Variants in RPS6KA2 observed in about 807,000 individuals in gnomAD.
RPS6KA2 encodes ribosomal protein S6 kinase alpha-2.
Under a neutral mutation model 91.8 loss-of-function variants are expected in RPS6KA2, and 42 were observed. The observed-to-expected ratio is 0.46, with a 90% confidence interval of 0.36 to 0.59. The LOEUF is 0.59. Among genes scored for constraint, RPS6KA2 ranks in the 20% least tolerant of loss-of-function variants. RPS6KA2 has a pLI of 0.00. For synonymous variants in RPS6KA2, 414 were observed against 393.6 expected (o/e 1.05, Z -0.61); for missense variants, 798 against 978.5 (o/e 0.82, Z 2.46).
rs1196575317 is a variant in RPS6KA2 at position 166,448,878 on chromosome 6, G to A, written c.1207-29C>T. On this transcript the variant is annotated intron_variant, in intron 13 of 20. Coordinates refer to ENST00000265678, the MANE Select transcript of RPS6KA2 (RefSeq NM_021135.6). This position sits in a 1 kb window ranked among gnomAD's most constrained non-coding sequence, Gnocchi z 4.7. ...CAGAGGGACCAAGAGAAGAAGAGTT[G>A]TCGGAACCCTCACACGAGGGGACGG... is the stretch of plus-strand genomic sequence containing the variant. 33 of 1,612,352 alleles carry A rather than the reference G, an allele frequency of 2.0e-5. No individual in the cohort carries two copies. The highest frequency in any genetic ancestry group is 2.8e-5 in the Non-Finnish European group (33 of 1,178,754).
chr6:166,454,973 G>A (rs894957757), intron 12 of RPS6KA2, among the ~76,000 whole-genome samples: 1 of 150,358 alleles, frequency 6.7e-6, no homozygotes, highest in Non-Finnish European at 1.5e-5. Context: ...AATATAATAC[G>A]TAATTTTTCC....
At chr6:166,442,631 C>T (rs1779556643) in intron 14 of RPS6KA2, among the ~76,000 whole-genome samples, 1 of 152,188 alleles carries the variant, frequency 6.6e-6, no homozygotes, top group South Asian at 2.1e-4. Context: ...GTCTCAGGAA[C>T]TTCAGTTCTC....
chr6:166,663,204 CA>C (rs892823214), intron 2 of RPS6KA2, among the ~76,000 whole-genome samples: 3 of 152,172 alleles, frequency 2.0e-5, no homozygotes, highest in Non-Finnish European at 2.9e-5. Flanking sequence ...GGCCAAGAAA[CA>C]AAAACCAATA....
At chr6:166,625,832 A>G (rs1786852463) in intron 1 of RPS6KA2, among the ~76,000 whole-genome samples, 1 of 152,174 alleles carries the variant, frequency 6.6e-6, no homozygotes, top group African/African-American at 2.4e-5. Flanking sequence ...TAGTACTTCC[A>G]ATTCTGATTT....
At chr6:166,712,851 TC>T (rs1233945860) in intron 2 of RPS6KA2, among the ~76,000 whole-genome samples, 1 of 152,232 alleles carries the variant, frequency 6.6e-6, no homozygotes, top group Middle Eastern at 3.2e-3. Flanking sequence ...ACAGCGTCTA[TC>T]CCGAGCTTTC....
At chr6:166,683,477 A>G (rs899443001) in intron 2 of RPS6KA2, among the ~76,000 whole-genome samples, 2 of 152,250 alleles carry the variant, frequency 1.3e-5, no homozygotes, top group African/African-American at 4.8e-5. Flanking sequence ...GTATCTCATT[A>G]GTTTAAATTA....
At chr6:166,453,652 T>C (rs2128457402) in intron 12 of RPS6KA2, among the ~76,000 whole-genome samples, 2 of 152,314 alleles carry the variant, frequency 1.3e-5, no homozygotes, top group Middle Eastern at 6.8e-3. Context: ...CGGAAATTTC[T>C]CAAAGAACTA....
At position 166,412,955 on chromosome 6, in the gene RPS6KA2, C is replaced by T. The variant is rs932195820; in HGVS notation, c.2077-68G>A. ...CCAGGGGTTGAGCCGGAGCCCGGGGCCTCCATGGGCCTCAGCTGCCCCCAG... is the reference window on the plus strand; with the variant it reads ...CCAGGGGTTGAGCCGGAGCCCGGGGTCTCCATGGGCCTCAGCTGCCCCCAG... On this transcript the variant is annotated intron_variant, in intron 20 of 20. Coordinates refer to ENST00000265678, the MANE Select transcript of RPS6KA2 (RefSeq NM_021135.6). The surrounding 1 kb of genome is among the most constrained non-coding windows in gnomAD (Gnocchi z 4.3). 2 of 1,443,708 alleles carry T rather than the reference C, an allele frequency of 1.4e-6. No individual in the cohort carries two copies. The highest frequency in any genetic ancestry group is 1.8e-6 in the Non-Finnish European group (2 of 1,085,820). 89.4% of individuals were successfully genotyped at this position (1,443,708 alleles called of 1,614,324 possible). A position where few individuals can be genotyped will look rare whatever the true frequency, so the allele number is the denominator to read the frequency against.
At chr6:166,676,405 C>CA (rs1788620881) in intron 2 of RPS6KA2, among the ~76,000 whole-genome samples, 1 of 152,182 alleles carries the variant, frequency 6.6e-6, no homozygotes, top group Non-Finnish European at 1.5e-5. Flanking sequence ...GGCCCTGCCC[C>CA]AGGCCGGTCT....
In RPS6KA2 at chr6:166,548,665, T is replaced by C. The variant is rs1783903057; in HGVS notation, c.100-9881A>G. ...AAAAAGACATTTAACCTAAATTCCATCTCTTATACAATAATTAACTGAAAA... is the reference window on the plus strand; with the variant it reads ...AAAAAGACATTTAACCTAAATTCCACCTCTTATACAATAATTAACTGAAAA... On this transcript the variant is annotated intron_variant, in intron 1 of 20. Coordinates refer to ENST00000265678, the MANE Select transcript of RPS6KA2 (RefSeq NM_021135.6). 3.3e-5 allele frequency among the ~76,000 whole-genome samples: 5 copies of C among 152,294 alleles called. No individual in the cohort carries two copies. In the South Asian group the frequency reaches 1.0e-3, roughly 32 times the overall value.
chr6:166,732,156 A>T lies in RPS6KA2; in HGVS notation c.123+126044T>A, dbSNP rs1174946105. Reference sequence around the variant, plus strand: ...CCAATAAATAAATAAATAACCAAGAAAAATACTTTAATACAATGTGCCAAA... The same window carrying T: ...CCAATAAATAAATAAATAACCAAGATAAATACTTTAATACAATGTGCCAAA... On this transcript the variant is annotated intron_variant, in intron 2 of 21. Transcript: ENST00000503859. The surrounding 1 kb of genome is among the most constrained non-coding windows in gnomAD (Gnocchi z 4.0). Among the ~76,000 whole-genome samples, 3 of 152,150 alleles carry T rather than the reference A, an allele frequency of 2.0e-5. No homozygotes were observed. The highest frequency in any genetic ancestry group is 6.5e-5 in the Admixed American group (1 of 15,284).
rs1783382510 is a variant in RPS6KA2 at position 166,533,887 on chromosome 6, G to C, written c.217-2574C>G. On this transcript the variant is annotated intron_variant, in intron 2 of 20. Transcript: ENST00000265678. This position sits in a 1 kb window ranked among gnomAD's most constrained non-coding sequence, Gnocchi z 4.0. ...TCTTGAGGCCAAGAATTTGCAACCA[G>C]CCTGGGCAGCATAGCAAAACCCCAG... Among the ~76,000 whole-genome samples, 1 of 152,114 alleles carries C rather than the reference G, an allele frequency of 6.6e-6. No homozygotes were observed. The highest frequency in any genetic ancestry group is 2.4e-5 in the African/African-American group (1 of 41,430).
Position 166,767,305 on chromosome 6 carries a change from C to T in RPS6KA2, c.123+90895G>A, listed in dbSNP as rs566662823. Among the ~76,000 whole-genome samples the T allele has an allele frequency of 5.3e-5, 8 of 152,248 alleles. No individual in the cohort carries two copies. In the East Asian group the frequency reaches 5.8e-4, roughly 11 times the overall value. On this transcript the variant is annotated intron_variant, in intron 2 of 21. Transcript: ENST00000503859. This position sits in a 1 kb window ranked among gnomAD's most constrained non-coding sequence, Gnocchi z 4.6. ...CGCTTCAGCTTGCAAGGCAGAGGCA[C>T]GGAACGATTTGATGAAAAAGACAGA...
At chr6:166,453,515 A>G (rs1314807363) in intron 12 of RPS6KA2, among the ~76,000 whole-genome samples, 2 of 152,226 alleles carry the variant, frequency 1.3e-5, no homozygotes, top group African/African-American at 2.4e-5. Context: ...GAAAACCACA[A>G]TGAGATATCA....
At chr6:166,634,932 T>G (rs1280689237) in intron 2 of RPS6KA2, among the ~76,000 whole-genome samples, 2 of 152,134 alleles carry the variant, frequency 1.3e-5, no homozygotes, top group Admixed American at 1.3e-4. Context: ...GTGTTTGGTA[T>G]AGTTTCACAC....
At chr6:166,479,370 G>T (rs1228393387) in intron 10 of RPS6KA2, among the ~76,000 whole-genome samples, 1 of 152,270 alleles carries the variant, frequency 6.6e-6, no homozygotes, top group Non-Finnish European at 1.5e-5. Context: ...GGCGATGCTG[G>T]GGACAGGCGG....
chr6:166,783,871 C>CTATCTGTAACTA (rs1369864372), intron 2 of RPS6KA2, among the ~76,000 whole-genome samples: 7 of 114,728 alleles, frequency 6.1e-5, no homozygotes, highest in African/African-American at 2.6e-4. Context: ...ACGTGCACAC[C>CTATCTGTAACTA]TACGCATCAC....
rs936208335 is a variant in RPS6KA2 at position 166,418,602 on chromosome 6, C to G, written c.1821-260G>C. ...ACCTGTGCTGTATCCCCTCCGGACC[C>G]AGGTAAACTGGGATGGGGTGGCCTA... is the stretch of plus-strand genomic sequence containing the variant. On this transcript the variant is annotated intron_variant, in intron 18 of 20. Coordinates refer to ENST00000265678, the MANE Select transcript of RPS6KA2 (RefSeq NM_021135.6). This position sits in a 1 kb window ranked among gnomAD's most constrained non-coding sequence, Gnocchi z 4.9. 6.6e-6 allele frequency among the ~76,000 whole-genome samples: 1 copy of G among 152,234 alleles called. No individual in the cohort carries two copies. The highest frequency in any genetic ancestry group is 1.5e-5 in the Non-Finnish European group (1 of 68,042).
At position 166,825,245 on chromosome 6, in the gene RPS6KA2, G is replaced by A. The variant is rs993991882; in HGVS notation, c.123+32955C>T. On this transcript the variant is annotated intron_variant, in intron 2 of 21. Transcript: ENST00000503859. This position sits in a 1 kb window ranked among gnomAD's most constrained non-coding sequence, Gnocchi z 4.1. ...GGGGCAAAGGGGAGTGATCCCATGA[G>A]TCCCGAGAATAAAAGGCAGGGCTGA... is the stretch of plus-strand genomic sequence containing the variant. Among the ~76,000 whole-genome samples the A allele has an allele frequency of 2.0e-5, 3 of 152,260 alleles. No individual in the cohort carries two copies. Among genetic ancestry groups the A allele is most frequent in the African/African-American group, 7.2e-5 (3 of 41,466 alleles).
Sources: gnomAD v4.1 joint callset for allele counts (sites outside exome capture counted in the v4.1 genomes callset) on GRCh38, gnomAD v4.1.1 for gene constraint, Gnocchi (gnomAD v3.1) non-coding constraint, MANE v1.5 for transcripts, NCBI Gene and HGNC (gene_info 2026-07-23, HGNC 2026-07-21) for gene names.